The following NPNT variants were observed in gnomAD, a reference collection of about 807,000 sequenced individuals.
NPNT encodes the protein nephronectin.
In NPNT, 45 loss-of-function variants were observed where a neutral mutation model predicts 68.6. The ratio of observed to expected loss-of-function variants is 0.66; its 90% CI spans 0.52 to 0.84. The LOEUF is 0.84. NPNT is among the 40% of genes least tolerant of loss of function. NPNT has a pLI of 0.00. For synonymous variants in NPNT, 233 were observed against 253.3 expected (o/e 0.92, Z 0.76); for missense variants, 672 against 714.8 (o/e 0.94, Z 0.68).
chr4:105,966,741 C>T (rs1018517840), intron 10 of NPNT, among the ~76,000 whole-genome samples: 4 of 151,640 alleles, frequency 2.6e-5, no homozygotes, highest in Admixed American at 1.3e-4. Flanking sequence ...ATCTGCTTTA[C>T]TGTTCAGAGG....
intron 10 of NPNT, among the ~76,000 whole-genome samples, chr4:105,966,150 T>C (rs898411021): frequency 5.3e-5 from 8 of 152,220 alleles, no homozygotes; most frequent in African/African-American, 1.9e-4. Context: ...GATACACATG[T>C]TCAACATTCC....
chr4:105,943,260 G>A (rs1730131171), intron 8 of NPNT, among the ~76,000 whole-genome samples: 1 of 152,220 alleles, frequency 6.6e-6, no homozygotes, highest in African/African-American at 2.4e-5. Flanking sequence ...TCTTTGGGTA[G>A]GGAATATTCA....
intron 2 of NPNT, among the ~76,000 whole-genome samples, chr4:105,923,727 T>A (rs1164241271): frequency 6.6e-6 from 1 of 152,066 alleles, no homozygotes; most frequent in East Asian, 1.9e-4. Context: ...TACACAGCAT[T>A]CCAAAGCCCC....
At chr4:105,900,548 A>G (rs1726315626) in intron 2 of NPNT, among the ~76,000 whole-genome samples, 1 of 152,182 alleles carries the variant, frequency 6.6e-6, no homozygotes, top group Non-Finnish European at 1.5e-5. Context: ...GTTTGGAGAA[A>G]CCGACTAATG....
chr4:105,945,285 G>A (rs1378136313), intron 8 of NPNT, among the ~76,000 whole-genome samples: 3 of 152,112 alleles, frequency 2.0e-5, no homozygotes, highest in Non-Finnish European at 4.4e-5. Context: ...AGACTGTAAA[G>A]ATATTCTAAA....
intron 2 of NPNT, among the ~76,000 whole-genome samples, chr4:105,904,708 G>T (rs539491423): frequency 6.5e-4 from 98 of 151,916 alleles, no homozygotes; most frequent in Non-Finnish European, 9.9e-4. Flanking sequence ...TTTGAGACGG[G>T]GTCTCACTCT....
chr4:105,929,938 G>A (rs993033907), intron 3 of NPNT, among the ~76,000 whole-genome samples: 14 of 151,692 alleles, frequency 9.2e-5, no homozygotes, highest in Admixed American at 2.0e-4. Flanking sequence ...AGAAAAAATC[G>A]AATGTATCAA....
intron 8 of NPNT, among the ~76,000 whole-genome samples, chr4:105,948,687 C>A (rs1166607678): frequency 6.6e-6 from 1 of 152,108 alleles, no homozygotes; most frequent in Non-Finnish European, 1.5e-5. Context: ...CACTCTGTCA[C>A]CCAGGCTGCT....
At position 105,938,438 on chromosome 4, in the gene NPNT, G is replaced by T. The variant is rs369272563; in HGVS notation, c.505+18G>T. On this transcript the variant is annotated intron_variant, in intron 5 of 11. Transcript: ENST00000379987. Reference sequence around the variant, plus strand: ...CTGTGTAGGTGAGTTGTAAAATCAAGCATCTCTGTCAGCAGCCTCTGTAGG... The same window carrying T: ...CTGTGTAGGTGAGTTGTAAAATCAATCATCTCTGTCAGCAGCCTCTGTAGG... The T allele has an allele frequency of 1.2e-6, 2 of 1,610,912 alleles. No individual in the cohort carries two copies. The highest frequency in any genetic ancestry group is 1.3e-5 in the African/African-American group (1 of 74,734).
chr4:105,936,418 C>A (rs185042374), intron 3 of NPNT, among the ~76,000 whole-genome samples: 1 of 145,794 alleles, frequency 6.9e-6, no homozygotes, highest in Admixed American at 7.1e-5. Context: ...CGTTCTTATC[C>A]TCTGAAAATA....
intron 2 of NPNT, among the ~76,000 whole-genome samples, chr4:105,906,202 C>A (rs959611425): frequency 6.6e-6 from 1 of 152,106 alleles, no homozygotes; most frequent in African/African-American, 2.4e-5. Flanking sequence ...GATGTTATTG[C>A]TGATTTAATT....
At chr4:105,964,106 G>T (rs1578693296) in intron 10 of NPNT, among the ~76,000 whole-genome samples, 1 of 152,140 alleles carries the variant, frequency 6.6e-6, no homozygotes, top group African/African-American at 2.4e-5. Context: ...GGGATAATAA[G>T]TACTATCCAC....
At chr4:105,909,393 G>A (rs1031900610) in intron 2 of NPNT, among the ~76,000 whole-genome samples, 1 of 152,112 alleles carries the variant, frequency 6.6e-6, no homozygotes, top group African/African-American at 2.4e-5. Flanking sequence ...ACATTCTGAT[G>A]TACAGTTTCA....
intron 1 of NPNT, among the ~76,000 whole-genome samples, chr4:105,897,528 C>A (rs1184079187): frequency 6.6e-6 from 1 of 152,190 alleles, no homozygotes; most frequent in Non-Finnish European, 1.5e-5. Flanking sequence ...CTGGCTTTCA[C>A]CCCAGTAACA....
intron 2 of NPNT, among the ~76,000 whole-genome samples, chr4:105,903,584 C>A (rs1375165053): frequency 1.3e-5 from 2 of 151,968 alleles, no homozygotes; most frequent in African/African-American, 4.8e-5. Context: ...TTAAATATCC[C>A]TCCTCAGAGC....
chr4:105,911,166 G>C (rs2149331109), intron 2 of NPNT, among the ~76,000 whole-genome samples: 1 of 151,868 alleles, frequency 6.6e-6, no homozygotes, highest in South Asian at 2.1e-4. Context: ...TCAACATCAA[G>C]ATATGGTGAG....
intron 5 of NPNT, among the ~76,000 whole-genome samples, chr4:105,938,754 C>A (rs1295331686): frequency 6.6e-6 from 1 of 152,162 alleles, no homozygotes; most frequent in Non-Finnish European, 1.5e-5. Context: ...AGTGATGAAG[C>A]TGAATAGCTA....
chr4:105,933,163 T>C (rs1578633824), intron 3 of NPNT, among the ~76,000 whole-genome samples: 1 of 152,208 alleles, frequency 6.6e-6, no homozygotes, highest in African/African-American at 2.4e-5. Context: ...TAACATCAGA[T>C]AGCCTAAGTT....
intron 1 of NPNT, among the ~76,000 whole-genome samples, chr4:105,896,559 C>T (rs1253954144): frequency 1.3e-5 from 2 of 152,204 alleles, no homozygotes; most frequent in Non-Finnish European, 2.9e-5. Flanking sequence ...ATGGCTGCTG[C>T]GAAAAGAGGT....
Sources: allele counts gnomAD v4.1 joint callset (sites outside exome capture counted in the v4.1 genomes callset), GRCh38; gene constraint gnomAD v4.1.1; transcripts MANE v1.5; gene names NCBI Gene and HGNC (gene_info 2026-07-23, HGNC 2026-07-21).